SUGP1: variants seen among roughly 807,000 people sequenced by gnomAD.
The protein encoded by SUGP1 is SURP and G-patch domain-containing protein 1.
SUGP1 carries 34 observed loss-of-function variants against 76.5 expected under a neutral mutation model. That is an observed-to-expected ratio of 0.44 (90% confidence interval 0.34 to 0.59). The LOEUF is 0.59. SUGP1 is among the 20% of genes least tolerant of loss of function. The pLI is 0.01. For missense variants in SUGP1, 752 were observed against 851.7 expected (o/e 0.88, Z 1.46); for synonymous variants, 326 against 326.2 (o/e 1.00, Z 0.01).
chr19:19,280,115 A>C (rs1421367617), intron 9 of SUGP1, 70 bp downstream of exon 9: 2 of 1,439,850 alleles, frequency 1.4e-6, no homozygotes, highest in Non-Finnish European at 1.9e-6. Flanking sequence ...TGACCGCTGC[A>C]CCCGGGGGTA....
At chr19:19,295,258 G>A (rs572994970) in intron 8 of SUGP1, among the ~76,000 whole-genome samples, 1 of 152,046 alleles carries the variant, frequency 6.6e-6, no homozygotes, top group African/African-American at 2.4e-5. Flanking sequence ...GCATGGTGGT[G>A]TGTGCCTGTA....
rs1265532179 is a variant in SUGP1 at position 19,279,330 on chromosome 19, G to A, written c.1411C>T (p.Leu471=). 1 of 1,610,882 alleles carries A rather than the reference G, an allele frequency of 6.2e-7. No homozygotes were observed. Among genetic ancestry groups the A allele is most frequent in the Admixed American group, 1.7e-5 (1 of 59,962 alleles). ...HKRAMQDMQL[L]WEKAVQQHQH... ...TGCTGTTGGACTGCCTTCTCCCACA[G>A]CAGCTGCATGTCCTGCATGGCCCGC... Residue 471 remains leucine, a synonymous_variant, in exon 10 of 14, where the codon CTG becomes TTG. Transcript: ENST00000247001.
chr19:19,298,049 C>T (rs1032389759), intron 7 of SUGP1, among the ~76,000 whole-genome samples: 1 of 152,164 alleles, frequency 6.6e-6, no homozygotes, highest in Non-Finnish European at 1.5e-5. Flanking sequence ...TGGCAGAACA[C>T]GGGAGAGAAC....
Position 19,303,820 on chromosome 19 carries a change from C to T in SUGP1, c.566G>A (p.Arg189Gln), listed in dbSNP as rs775710080. ...KVSPPEGAET[R>Q]KVIEKLARFV... ...GCGGGCCAATTTCTCTATCACTTTC[C>T]GAGTCTCGGCTCCCTCTGGGGGTGA... The change falls in exon 5 of 14, where the codon CGG (arginine) becomes CAG (glutamine). Residue 189 changes from arginine to glutamine, a missense_variant. Around this residue, in one of 2 missense-constraint regions of SUGP1, gnomAD observed 620 missense variants for 617.3 expected, o/e 1.00. Transcript: ENST00000247001. The T allele has an allele frequency of 3.0e-5, 49 of 1,614,054 alleles. No individual in the cohort carries two copies. Among genetic ancestry groups the T allele is most frequent in the South Asian group, 6.6e-5 (6 of 91,084 alleles).
At chr19:19,316,400 C>G (rs1487579204) in intron 2 of SUGP1, 22 bp downstream of exon 2, 1 of 1,613,558 alleles carries the variant, frequency 6.2e-7, no homozygotes, top group East Asian at 2.2e-5. Context: ...CAGGCCCCAT[C>G]CAGGCCCCAG....
At position 19,303,797 on chromosome 19, in the gene SUGP1, G is replaced by T. The variant is rs781222533; in HGVS notation, c.589C>A (p.Arg197Ser). ...ETRKVIEKLA[R>S]FVAEGGPELE... is the part of the protein sequence containing the mutation. ...TCGGGGCCTCCTTCTGCCACAAAGC[G>T]GGCCAATTTCTCTATCACTTTCCGA... is the stretch of plus-strand genomic sequence containing the variant. The change falls in exon 5 of 14, where the codon CGC becomes AGC. Residue 197 changes from arginine to serine, a missense_variant. Around this residue, in one of 2 missense-constraint regions of SUGP1, gnomAD observed 620 missense variants for 617.3 expected, o/e 1.00. Coordinates refer to ENST00000247001, the MANE Select transcript of SUGP1 (RefSeq NM_172231.4). 1 of 1,614,122 alleles carries T rather than the reference G, an allele frequency of 6.2e-7. No individual in the cohort carries two copies. Among genetic ancestry groups the T allele is most frequent in the Non-Finnish European group, 8.5e-7 (1 of 1,180,030 alleles).
Position 19,278,309 on chromosome 19 carries a change from C to T in SUGP1, c.1635+381G>A, listed in dbSNP as rs911368121. 1.1e-4 allele frequency among the ~76,000 whole-genome samples: 16 copies of T among 152,124 alleles called. No individual in the cohort carries two copies. The East Asian group carries it at 1.2e-3, about 11-fold the overall frequency. On this transcript the variant is annotated intron_variant, in intron 11 of 13. Coordinates refer to ENST00000247001, the MANE Select transcript of SUGP1 (RefSeq NM_172231.4). ...AAAACCTCAAAAAGATAATGGGGGA[C>T]GTGCCATGTCAGCCCTCTCTCCTCA... is the stretch of plus-strand genomic sequence containing the variant.
intron 8 of SUGP1, among the ~76,000 whole-genome samples, chr19:19,296,633 C>T (rs1476818403): frequency 6.8e-6 from 1 of 147,346 alleles, no homozygotes. Context: ...GGCAACAGAG[C>T]GAGACTCTGT....
At chr19:19,293,747 C>A (rs532490837) in intron 8 of SUGP1, among the ~76,000 whole-genome samples, 81 of 152,302 alleles carry the variant, frequency 5.3e-4, no homozygotes, top group African/African-American at 1.9e-3. Flanking sequence ...CACACTTCCA[C>A]CATTTCCATT....
At position 19,284,598 on chromosome 19, in the gene SUGP1, A is replaced by T. The variant is rs565526516; in HGVS notation, c.1244-4307T>A. Reference sequence around the variant, plus strand: ...CAGTTTTTATGTGTATAGGACTGCTATCAGAATGACACACCTACAAGGTTT... The same window carrying T: ...CAGTTTTTATGTGTATAGGACTGCTTTCAGAATGACACACCTACAAGGTTT... On this transcript the variant is annotated intron_variant, in intron 8 of 13. Coordinates refer to ENST00000247001, the MANE Select transcript of SUGP1 (RefSeq NM_172231.4). Among the ~76,000 whole-genome samples the T allele has an allele frequency of 2.6e-5, 4 of 152,374 alleles. No homozygotes were observed. The East Asian group carries it at 7.7e-4, about 29-fold the overall frequency.
chr19:19,303,687 T>C (rs1263907361), intron 5 of SUGP1, 37 bp downstream of exon 5: 1 of 1,612,930 alleles, frequency 6.2e-7, no homozygotes, highest in Admixed American at 1.7e-5. Flanking sequence ...GCAAACGCAT[T>C]CAACAGCACA....
intron 10 of SUGP1, 96 bp from the exon 11 acceptor site, chr19:19,278,892 A>G: frequency 1.5e-6 from 2 of 1,332,904 alleles, no homozygotes. Context: ...GCTCAGTGGG[A>G]GCCTGGGGCC....
intron 8 of SUGP1, among the ~76,000 whole-genome samples, chr19:19,284,518 G>C (rs1048936612): frequency 1.3e-5 from 2 of 151,962 alleles, no homozygotes; most frequent in African/African-American, 4.8e-5. Context: ...TATGTCAACA[G>C]GTGTGAAAAC....
At chr19:19,301,357 C>T (rs187533983) in intron 7 of SUGP1, among the ~76,000 whole-genome samples, 6 of 152,294 alleles carry the variant, frequency 3.9e-5, no homozygotes, top group Admixed American at 3.9e-4. Context: ...CTGTTCCCAG[C>T]CCCCATGTTC....
chr19:19,305,790 A>T (rs966900853), intron 4 of SUGP1, 59 bp downstream of exon 4: 2 of 1,521,642 alleles, frequency 1.3e-6, no homozygotes, highest in Non-Finnish European at 1.8e-6. Flanking sequence ...CCCACCACAG[A>T]TCCCACCTGC....
At chr19:19,298,096 C>T (rs151050577) in intron 7 of SUGP1, among the ~76,000 whole-genome samples, 330 of 152,332 alleles carry the variant, frequency 2.2e-3, no homozygotes, top group African/African-American at 7.2e-3. Context: ...TGTTACAGTG[C>T]TGAACAAGAT....
In SUGP1 at chr19:19,280,308, C is replaced by A. The variant is rs757071438; in HGVS notation, c.1244-17G>T. On this transcript the variant is annotated splice_polypyrimidine_tract_variant and intron_variant, in intron 8 of 13. Coordinates refer to ENST00000247001, the MANE Select transcript of SUGP1 (RefSeq NM_172231.4). Reference sequence around the variant, plus strand: ...GGTCCTGAACTGGAAACCAAAGACACAGGGTAGTCAGAGCCTGACAGGTGC... The same window carrying A: ...GGTCCTGAACTGGAAACCAAAGACAAAGGGTAGTCAGAGCCTGACAGGTGC... The A allele has an allele frequency of 6.2e-7, 1 of 1,610,696 alleles. No homozygotes were observed. Among genetic ancestry groups the A allele is most frequent in the South Asian group, 1.1e-5 (1 of 91,026 alleles).
chr19:19,311,743 A>AC (rs1568635610), intron 2 of SUGP1, among the ~76,000 whole-genome samples: 1 of 151,464 alleles, frequency 6.6e-6, no homozygotes, highest in Non-Finnish European at 1.5e-5. Flanking sequence ...AAAAAAAAAA[A>AC]AAAAAAGAAA....
chr19:19,309,747 A>G (rs931313490), intron 3 of SUGP1, among the ~76,000 whole-genome samples: 1 of 152,106 alleles, frequency 6.6e-6, no homozygotes, highest in Non-Finnish European at 1.5e-5. Flanking sequence ...CATCTCTACT[A>G]AAAATATTTA....
Sources: allele counts gnomAD v4.1 joint callset (sites outside exome capture counted in the v4.1 genomes callset), GRCh38; gene constraint gnomAD v4.1.1; regional missense constraint gnomAD v4.1.1; transcripts MANE v1.5; gene names NCBI Gene and HGNC (gene_info 2026-07-23, HGNC 2026-07-21).